Variants in BRDT observed in about 807,000 individuals in gnomAD.
The protein encoded by BRDT is bromodomain testis-specific protein.
Under a neutral mutation model 113.9 loss-of-function variants are expected in BRDT, and 77 were observed. The ratio of observed to expected loss-of-function variants is 0.68; its 90% CI spans 0.56 to 0.82. BRDT has a LOEUF of 0.82. BRDT is among the 40% of genes least tolerant of loss of function. The probability of loss-of-function intolerance (pLI) is 0.00; values close to 1 mark genes in which losing one functional copy is unlikely to be tolerated. For missense variants in BRDT, 1,027 were observed against 1,105.4 expected (o/e 0.93, Z 1.01); for synonymous variants, 358 against 366.5 (o/e 0.98, Z 0.26).
chr1:91,970,546 C>T (rs1359228401), intron 4 of BRDT, among the ~76,000 whole-genome samples: 5 of 152,138 alleles, frequency 3.3e-5, no homozygotes, highest in South Asian at 4.1e-4. Flanking sequence ...GGATTACAGG[C>T]GTGAGCCACC....
intron 18 of BRDT, among the ~76,000 whole-genome samples, chr1:92,012,497 CA>C (rs1227743077): frequency 6.6e-6 from 1 of 152,184 alleles, no homozygotes; most frequent in East Asian, 1.9e-4. Context: ...ATACTTATAG[CA>C]GTATCACATG....
intron 12 of BRDT, among the ~76,000 whole-genome samples, chr1:91,988,939 T>G (rs560588126): frequency 2.6e-5 from 4 of 152,258 alleles, no homozygotes; most frequent in African/African-American, 9.6e-5. Flanking sequence ...TAGTAGGTGT[T>G]TTTATTTTTT....
rs755872797 is a variant in BRDT at position 91,981,670 on chromosome 1, GAGCAGC to G, written c.1933_1938del (p.Ser647_Ser648del). 1 of 1,613,648 alleles carries G rather than the reference GAGCAGC, an allele frequency of 6.2e-7. No homozygotes were observed. On this transcript the variant is annotated inframe_deletion, in exon 12 of 19. Coordinates refer to ENST00000399546, the MANE Select transcript of BRDT (RefSeq NM_207189.4). Reference sequence around the variant, plus strand: ...TTGAAAATGTTTCCCGACTGAGTGAGAGCAGCAGCAGCAGCAGCAGCTCATCAGAGT... The same window carrying G: ...TTGAAAATGTTTCCCGACTGAGTGAGAGCAGCAGCAGCAGCTCATCAGAGT...
At chr1:91,997,336 GT>G (rs1196114180) in intron 15 of BRDT, among the ~76,000 whole-genome samples, 1 of 152,160 alleles carries the variant, frequency 6.6e-6, no homozygotes, top group Non-Finnish European at 1.5e-5. Context: ...GAAGAACTTT[GT>G]TGGTAAAGAG....
intron 18 of BRDT, among the ~76,000 whole-genome samples, chr1:92,009,389 C>T (rs1447750116): frequency 6.6e-6 from 1 of 152,020 alleles, no homozygotes; most frequent in Non-Finnish European, 1.5e-5. Flanking sequence ...CATGTCTTGG[C>T]TATCACAATA....
At chr1:91,957,410 T>G (rs992470243) in intron 1 of BRDT, 1 of 152,140 alleles carries the variant, frequency 6.6e-6, no homozygotes, top group Non-Finnish European at 1.5e-5. Flanking sequence ...GGAGAATGGC[T>G]TGAATCTGGG....
Position 91,979,529 on chromosome 1 carries a change from AAAAT to A in BRDT, c.1099-38_1099-35del, listed in dbSNP as rs761059480. The A allele has an allele frequency of 1.9e-6, 3 of 1,564,754 alleles. No homozygotes were observed. The Admixed American group carries it at 6.0e-5, about 31-fold the overall frequency. Reference sequence around the variant, plus strand: ...AAGCTGTGATTGCTGGATTAAATAAAAAATACAGAAAACCATAACAAACTAATTT... The same window carrying A: ...AAGCTGTGATTGCTGGATTAAATAAAACAGAAAACCATAACAAACTAATTT... On this transcript the variant is annotated intron_variant, in intron 7 of 18. Transcript: ENST00000399546.
At chr1:91,971,250 C>G (rs901926794) in intron 4 of BRDT, among the ~76,000 whole-genome samples, 1 of 152,082 alleles carries the variant, frequency 6.6e-6, no homozygotes, top group East Asian at 1.9e-4. Flanking sequence ...ACACCAGGCC[C>G]CACCACCAAC....
chr1:91,992,204 TA>T lies in BRDT; in HGVS notation c.2065-59del, dbSNP rs1469710027. On this transcript the variant is annotated intron_variant, in intron 13 of 18. Coordinates refer to ENST00000399546, the MANE Select transcript of BRDT (RefSeq NM_207189.4). ...AGAGCTCTAATTTGTGAAAAAGAAATATAATCACATGGTTAAGAGATAATAT... is the reference window on the plus strand; with the variant it reads ...AGAGCTCTAATTTGTGAAAAAGAAATTAATCACATGGTTAAGAGATAATAT... 5.4e-6 allele frequency: 5 copies of T among 933,240 alleles called. No individual in the cohort carries two copies. In the African/African-American group the frequency reaches 8.7e-5, roughly 16 times the overall value. 57.8% of individuals were successfully genotyped at this position (933,240 alleles called of 1,614,324 possible). A position where few individuals can be genotyped will look rare whatever the true frequency, so the allele number is the denominator to read the frequency against.
chr1:92,004,678 ATTAAAT>A, intron 17 of BRDT, 59 bp downstream of exon 17: 4 of 1,402,410 alleles, frequency 2.9e-6, no homozygotes, highest in Non-Finnish European at 3.8e-6. Context: ...TTTTAAATAC[ATTAAAT>A]TTCTTATTTG....
intron 15 of BRDT, 82 bp from the exon 16 acceptor site, chr1:92,001,967 C>A: frequency 9.9e-7 from 1 of 1,014,374 alleles, no homozygotes; most frequent in South Asian, 1.7e-5. Flanking sequence ...AGTGTCTGAC[C>A]TGGAAGGAAA....
At chr1:91,969,310 G>A (rs1683385326) in intron 4 of BRDT, among the ~76,000 whole-genome samples, 2 of 150,342 alleles carry the variant, frequency 1.3e-5, no homozygotes, top group Non-Finnish European at 2.9e-5. Flanking sequence ...GATATAGGAG[G>A]CTTGTAATAG....
In BRDT at chr1:91,976,277, A is replaced by C. The variant is rs776964239; in HGVS notation, c.457A>C (p.Asn153His). 6.2e-7 allele frequency: 1 copy of C among 1,607,380 alleles called. No individual in the cohort carries two copies. The highest frequency in any genetic ancestry group is 1.1e-5 in the South Asian group (1 of 89,448). Reference sequence around the variant, plus strand: ...TCATACTTTTCCAGGCACTCAACAGAATATAGCTGTTTCTTCTGCTAAAGA... The same window carrying C: ...TCATACTTTTCCAGGCACTCAACAGCATATAGCTGTTTCTTCTGCTAAAGA... ...KERIKKGTQQ[N>H]IAVSSAKEKS... Residue 153 changes from asparagine to histidine, a missense_variant, in exon 5 of 19, where the codon AAT becomes CAT. Physicochemically the swap from Asn to His is moderately conservative, Grantham distance 68. Transcript: ENST00000399546.
intron 1 of BRDT, among the ~76,000 whole-genome samples, chr1:91,954,775 C>T (rs1166682745): frequency 6.6e-6 from 1 of 151,726 alleles, no homozygotes; most frequent in East Asian, 2.0e-4. Context: ...GCTTGAGCAG[C>T]ATGGTGAACC....
chr1:91,984,400 G>T (rs1282029884), intron 12 of BRDT, among the ~76,000 whole-genome samples: 1 of 151,992 alleles, frequency 6.6e-6, no homozygotes, highest in African/African-American at 2.4e-5. Flanking sequence ...CATATCATTA[G>T]CAATATCTAC....
chr1:91,971,740 A>G (rs1683644206), intron 4 of BRDT, among the ~76,000 whole-genome samples: 1 of 152,208 alleles, frequency 6.6e-6, no homozygotes, highest in Non-Finnish European at 1.5e-5. Flanking sequence ...TGAGAAGTGA[A>G]GATTTGAAAG....
chr1:91,951,917 C>T (rs1424595700), intron 1 of BRDT, among the ~76,000 whole-genome samples: 3 of 152,120 alleles, frequency 2.0e-5, no homozygotes, highest in Non-Finnish European at 4.4e-5. Flanking sequence ...GGCGCAGTGG[C>T]TCATGCCTGT....
chr1:91,965,023 C>A (rs984487267), intron 3 of BRDT, among the ~76,000 whole-genome samples: 5 of 151,744 alleles, frequency 3.3e-5, no homozygotes, highest in African/African-American at 1.2e-4. Flanking sequence ...ATTCTCCTGC[C>A]TCAGCCTCCC....
chr1:91,976,608 C>T (rs559628104), intron 5 of BRDT, among the ~76,000 whole-genome samples, 170 bp downstream of exon 5: 3 of 152,190 alleles, frequency 2.0e-5, no homozygotes, highest in Non-Finnish European at 4.4e-5. Context: ...TATGAATAGA[C>T]ACCTAAGAGG....
Sources: gnomAD v4.1 joint callset for allele counts (sites outside exome capture counted in the v4.1 genomes callset) on GRCh38, gnomAD v4.1.1 for gene constraint, MANE v1.5 for transcripts, NCBI Gene and HGNC (gene_info 2026-07-23, HGNC 2026-07-21) for gene names.